WWOX: variants seen among roughly 807,000 people sequenced by gnomAD.
WWOX encodes WW domain containing oxidoreductase.
In WWOX, 69 loss-of-function variants were observed where a neutral mutation model predicts 46.2. The ratio of observed to expected loss-of-function variants is 1.49; its 90% CI spans 1.23 to 1.82. The LOEUF (loss-of-function observed/expected upper bound fraction) is 1.82, where lower values mean the gene tolerates loss of function less well. Among genes scored for constraint, WWOX ranks in the 40% most tolerant of loss-of-function variants. The probability of loss-of-function intolerance (pLI) is 0.00; values close to 1 mark genes in which losing one functional copy is unlikely to be tolerated. For synonymous variants in WWOX, 359 were observed against 202.6 expected, an observed-to-expected ratio of 1.77 and a Z score of -6.56; for missense variants, 919 against 542.6, an observed-to-expected ratio of 1.69 and a Z score of -6.89.
intron 5 of WWOX, among the ~76,000 whole-genome samples, chr16:78,353,495 T>A (rs902115905): frequency 2.0e-5 from 3 of 152,214 alleles, no homozygotes; most frequent in Admixed American, 6.5e-5. Context: ...CGTAGCACCT[T>A]TCTGTCCCTT....
chr16:78,831,068 G>A (rs988122244), intron 8 of WWOX, among the ~76,000 whole-genome samples: 1 of 152,194 alleles, frequency 6.6e-6, no homozygotes, highest in Non-Finnish European at 1.5e-5. Context: ...AATTCTGTAA[G>A]AGAAGAAGGG....
At chr16:78,814,706 T>G (rs1345354701) in intron 8 of WWOX, among the ~76,000 whole-genome samples, 1 of 152,160 alleles carries the variant, frequency 6.6e-6, no homozygotes, top group African/African-American at 2.4e-5. Flanking sequence ...ATCAGGTATT[T>G]TGGGGGAAAA....
intron 8 of WWOX, among the ~76,000 whole-genome samples, chr16:79,199,220 G>A (rs1048899642): frequency 1.3e-5 from 2 of 152,024 alleles, no homozygotes; most frequent in South Asian, 2.1e-4. Context: ...GCGCCACCAC[G>A]CCTGGCTAAT....
At chr16:78,689,002 C>A (rs1196477165) in intron 8 of WWOX, among the ~76,000 whole-genome samples, 1 of 152,174 alleles carries the variant, frequency 6.6e-6, no homozygotes, top group Non-Finnish European at 1.5e-5. Flanking sequence ...TTGTAAGTTT[C>A]CTGAGACCTC....
chr16:79,060,668 T>C (rs1013797812), intron 8 of WWOX, among the ~76,000 whole-genome samples: 2 of 152,224 alleles, frequency 1.3e-5, no homozygotes, highest in African/African-American at 4.8e-5. Flanking sequence ...GTAAACCCAA[T>C]TACGAGCGGA....
intron 8 of WWOX, among the ~76,000 whole-genome samples, chr16:79,181,352 C>T (rs1429904264): frequency 2.0e-5 from 3 of 152,126 alleles, no homozygotes; most frequent in African/African-American, 7.2e-5. Context: ...TATGGGCATT[C>T]CATTTCTTTT....
intron 8 of WWOX, among the ~76,000 whole-genome samples, chr16:79,192,407 C>T (rs1179019964): frequency 6.6e-6 from 1 of 152,126 alleles, no homozygotes; most frequent in African/African-American, 2.4e-5. Context: ...GACCCAGTGC[C>T]AAATACTGGG....
In WWOX at chr16:78,721,431, G is replaced by A. The variant is rs149448238; in HGVS notation, c.1056+288679G>A. Among the ~76,000 whole-genome samples, 5 of 152,258 alleles carry A rather than the reference G, an allele frequency of 3.3e-5. 1 individual carries two copies. In the East Asian group the frequency reaches 5.8e-4, roughly 18 times the overall value. On this transcript the variant is annotated intron_variant, in intron 8 of 8. Coordinates refer to ENST00000566780, the MANE Select transcript of WWOX (RefSeq NM_016373.4). The stretch of plus-strand genomic sequence containing the variant: ...TATTGTATGAACATATTGTCGGCTG[G>A]AGAGTATTCAGCTGTCAGACAAAGT...
rs149165995 is a variant in WWOX at position 78,469,772 on chromosome 16, T to G, written c.1056+37020T>G. Among the ~76,000 whole-genome samples the G allele has an allele frequency of 3.9e-3, 593 of 152,302 alleles. 5 individuals are homozygous for G. The highest frequency in any genetic ancestry group is 0.014 in the African/African-American group (570 of 41,568). On this transcript the variant is annotated intron_variant, in intron 8 of 8. Transcript: ENST00000566780. ...TGTTACCAGGCATATTTTCCCTGTTTCCCTAAGAAGAGCTTCCTCTCAGTG... is the reference window on the plus strand; with the variant it reads ...TGTTACCAGGCATATTTTCCCTGTTGCCCTAAGAAGAGCTTCCTCTCAGTG...
rs568186001 is a variant in WWOX at position 78,275,898 on chromosome 16, C to A, written c.517-110962C>A. ...CCGACGAGGAAGTGCAGCCTCTTGT[C>A]GAGGAGTGCACTGGGAGGGGAGGCT... On this transcript the variant is annotated intron_variant, in intron 5 of 8. Coordinates refer to ENST00000566780, the MANE Select transcript of WWOX (RefSeq NM_016373.4). Among the ~76,000 whole-genome samples, 11 of 152,072 alleles carry A rather than the reference C, an allele frequency of 7.2e-5. No individual in the cohort carries two copies. The South Asian group carries it at 2.1e-3, about 29-fold the overall frequency.
chr16:78,403,563 C>T (rs2082461106), intron 6 of WWOX, among the ~76,000 whole-genome samples: 1 of 152,176 alleles, frequency 6.6e-6, no homozygotes, highest in South Asian at 2.1e-4. Context: ...CCCCACTTAC[C>T]AAGTGGGTAA....
chr16:78,419,236 T>C (rs994300034), intron 6 of WWOX, among the ~76,000 whole-genome samples: 1 of 152,194 alleles, frequency 6.6e-6, no homozygotes. Flanking sequence ...ACAAATTTAG[T>C]GCAATCTCTA....
chr16:78,697,037 A>C (rs1240278226), intron 8 of WWOX, among the ~76,000 whole-genome samples: 3 of 152,254 alleles, frequency 2.0e-5, no homozygotes, highest in East Asian at 1.9e-4. Flanking sequence ...GTATATTTAT[A>C]CCGTAGTTTC....
At chr16:78,982,908 G>A (rs939198020) in intron 8 of WWOX, among the ~76,000 whole-genome samples, 105 of 152,304 alleles carry the variant, frequency 6.9e-4, no homozygotes, top group African/African-American at 2.5e-3. Flanking sequence ...GTTGTGAACA[G>A]TGCCTGAAAT....
At chr16:78,131,514 G>A (rs530996077) in intron 4 of WWOX, among the ~76,000 whole-genome samples, 16 of 151,828 alleles carry the variant, frequency 1.1e-4, no homozygotes, top group Non-Finnish European at 2.4e-4. Context: ...CACATCTGGC[G>A]AAACTCTGGG....
At chr16:79,156,600 A>C (rs1024389579) in intron 8 of WWOX, among the ~76,000 whole-genome samples, 2 of 152,198 alleles carry the variant, frequency 1.3e-5, no homozygotes, top group Non-Finnish European at 2.9e-5. Flanking sequence ...CAGACAATTA[A>C]CAAGTTAAAA....
intron 8 of WWOX, among the ~76,000 whole-genome samples, chr16:78,479,580 G>T (rs970172592): frequency 6.6e-6 from 1 of 152,158 alleles, no homozygotes; most frequent in Non-Finnish European, 1.5e-5. Context: ...ATGGAGATAA[G>T]ACATGTCCCA....
intron 4 of WWOX, among the ~76,000 whole-genome samples, chr16:78,121,734 T>C (rs994781070): frequency 1.3e-5 from 2 of 151,986 alleles, no homozygotes; most frequent in Non-Finnish European, 2.9e-5. Context: ...TGATCTCAGC[T>C]CACTGCAACC....
chr16:78,962,430 T>G (rs1313550581), intron 8 of WWOX, among the ~76,000 whole-genome samples: 1 of 150,820 alleles, frequency 6.6e-6, no homozygotes, highest in Non-Finnish European at 1.5e-5. Context: ...CATTCATAAT[T>G]TCCTTGTAGG....
Sources: allele counts gnomAD v4.1 joint callset (sites outside exome capture counted in the v4.1 genomes callset), GRCh38; gene constraint gnomAD v4.1.1; transcripts MANE v1.5; gene names NCBI Gene and HGNC (gene_info 2026-07-23, HGNC 2026-07-21).